Variants in IQCJ observed in about 807,000 individuals in gnomAD.
IQCJ encodes the protein IQ domain-containing protein J.
A neutral mutation model predicts 11.0 loss-of-function variants in IQCJ; 9 were observed. The observed-to-expected ratio is 0.82, with a 90% confidence interval of 0.49 to 1.43. IQCJ has a LOEUF of 1.43. Among genes scored for constraint, IQCJ ranks in the 40% most tolerant of loss-of-function variants. IQCJ has a pLI of 0.00. For synonymous variants in IQCJ, 55 were observed against 51.3 expected, an observed-to-expected ratio of 1.07 and a Z score of -0.31; for missense variants, 146 against 133.2, an observed-to-expected ratio of 1.10 and a Z score of -0.47.
chr3:159,246,638 C>T (rs144822001), intron 2 of IQCJ, among the ~76,000 whole-genome samples: 1 of 152,162 alleles, frequency 6.6e-6, no homozygotes, highest in African/African-American at 2.4e-5. Context: ...CTGGACACCA[C>T]GTTTAAGAAT....
chr3:159,262,248 T>C (rs1194503784), intron 3 of IQCJ, among the ~76,000 whole-genome samples: 1 of 152,252 alleles, frequency 6.6e-6, no homozygotes, highest in Non-Finnish European at 1.5e-5. Context: ...CAAAGTACAT[T>C]TACCTGTGCA....
intron 1 of IQCJ, among the ~76,000 whole-genome samples, chr3:159,169,536 C>T (rs537337617): frequency 1.3e-3 from 199 of 152,060 alleles, no homozygotes; most frequent in African/African-American, 4.5e-3. Context: ...GTAATCCACC[C>T]GCCTCGGCCT....
chr3:159,103,527 A>G lies in IQCJ; in HGVS notation c.9+34086A>G, dbSNP rs528609832. The stretch of plus-strand genomic sequence containing the variant: ...CATTCTGCTCATCTAAAGAGCAAAC[A>G]TGTTTTACAGGACAATTTAGGACAA... On this transcript the variant is annotated intron_variant, in intron 1 of 3. Coordinates refer to ENST00000397832, the MANE Select transcript of IQCJ (RefSeq NM_001042706.3). Among the ~76,000 whole-genome samples the G allele has an allele frequency of 1.7e-4, 26 of 152,350 alleles. No individual in the cohort carries two copies. The South Asian group carries it at 4.8e-3, about 28-fold the overall frequency.
At chr3:159,199,904 G>A (rs1460418011) in intron 1 of IQCJ, among the ~76,000 whole-genome samples, 1 of 151,222 alleles carries the variant, frequency 6.6e-6, no homozygotes, top group African/African-American at 2.4e-5. Context: ...AGCTTTTCTG[G>A]GTTCAAGCTA....
intron 1 of IQCJ, among the ~76,000 whole-genome samples, chr3:159,206,749 TC>T (rs1350121430): frequency 6.6e-6 from 1 of 152,242 alleles, no homozygotes; most frequent in Non-Finnish European, 1.5e-5. Flanking sequence ...TTTGATACAT[TC>T]TTCCTTTTCC....
intron 1 of IQCJ, among the ~76,000 whole-genome samples, chr3:159,169,861 A>T (rs1722397173): frequency 6.6e-6 from 1 of 152,132 alleles, no homozygotes; most frequent in Non-Finnish European, 1.5e-5. Context: ...GGTGGTTTAT[A>T]GGGGTGAAGT....
chr3:159,198,046 T>C (rs987625481), intron 1 of IQCJ, among the ~76,000 whole-genome samples: 1 of 152,178 alleles, frequency 6.6e-6, no homozygotes, highest in Non-Finnish European at 1.5e-5. Flanking sequence ...TCTGGTTGAA[T>C]TATAAATACC....
At chr3:159,191,621 A>G (rs1350537090) in intron 1 of IQCJ, among the ~76,000 whole-genome samples, 1 of 152,200 alleles carries the variant, frequency 6.6e-6, no homozygotes, top group African/African-American at 2.4e-5. Context: ...GGTTAGCCAA[A>G]TAGCCCTCCA....
chr3:159,205,469 A>T (rs952473475), intron 1 of IQCJ, among the ~76,000 whole-genome samples: 2 of 152,182 alleles, frequency 1.3e-5, no homozygotes, highest in Non-Finnish European at 2.9e-5. Flanking sequence ...GGCATGATTG[A>T]TCAATTGTCT....
chr3:159,093,764 C>G (rs2108087726), intron 1 of IQCJ, among the ~76,000 whole-genome samples: 1 of 151,960 alleles, frequency 6.6e-6, no homozygotes, highest in South Asian at 2.1e-4. Context: ...CAAACACATC[C>G]TTCTTCACAT....
chr3:159,159,951 A>C (rs577478134), intron 1 of IQCJ, among the ~76,000 whole-genome samples: 1 of 152,238 alleles, frequency 6.6e-6, no homozygotes, highest in South Asian at 2.1e-4. Context: ...CCTATGCTTC[A>C]TATACAGCCT....
At chr3:159,219,871 G>A (rs770017578) in intron 1 of IQCJ, among the ~76,000 whole-genome samples, 16 of 152,118 alleles carry the variant, frequency 1.1e-4, no homozygotes, top group Admixed American at 2.6e-4. Context: ...CAGTCCCACC[G>A]GACAAGGCCC....
chr3:159,102,000 A>G (rs1192644888), intron 1 of IQCJ, among the ~76,000 whole-genome samples: 1 of 152,210 alleles, frequency 6.6e-6, no homozygotes, highest in Non-Finnish European at 1.5e-5. Context: ...AGAAAAAAGT[A>G]ATCACATCTG....
intron 1 of IQCJ, among the ~76,000 whole-genome samples, chr3:159,154,989 A>G (rs572227021): frequency 9.3e-5 from 14 of 150,832 alleles, no homozygotes; most frequent in Admixed American, 2.0e-4. Context: ...CATCCTCTCC[A>G]TCCTTCGCCA....
chr3:159,102,804 G>A (rs541276902), intron 1 of IQCJ, among the ~76,000 whole-genome samples: 2 of 152,280 alleles, frequency 1.3e-5, no homozygotes, highest in Non-Finnish European at 2.9e-5. Flanking sequence ...TTTTGTATGA[G>A]GAATTAAAAT....
chr3:159,203,968 A>G (rs923706381), intron 1 of IQCJ, among the ~76,000 whole-genome samples: 14 of 152,274 alleles, frequency 9.2e-5, no homozygotes, highest in Non-Finnish European at 1.9e-4. Context: ...TAACAGGGTC[A>G]GTTCTCTGTA....
At position 159,200,104 on chromosome 3, in the gene IQCJ, A is replaced by AATATATAT. The variant is rs539820364; in HGVS notation, c.10-45730_10-45723dup. ...ATATGTATGTATGTGTTTATACATA[A>AATATATAT]ATATATATATATATATCACTTTGAA... On this transcript the variant is annotated intron_variant, in intron 1 of 3. Coordinates refer to ENST00000397832, the MANE Select transcript of IQCJ (RefSeq NM_001042706.3). 1.0e-4 allele frequency among the ~76,000 whole-genome samples: 12 copies of AATATATAT among 116,948 alleles called. 1 individual carries two copies. The highest frequency in any genetic ancestry group is 2.9e-4 in the East Asian group (1 of 3,492). The allele number at this position is 116,948 out of a possible 152,430, so 76.7% of individuals were successfully genotyped here.
At chr3:159,259,235 A>G (rs1359653335) in intron 3 of IQCJ, among the ~76,000 whole-genome samples, 2 of 152,210 alleles carry the variant, frequency 1.3e-5, no homozygotes, top group Non-Finnish European at 2.9e-5. Flanking sequence ...CACCCCTGCT[A>G]TAAGAGAAGA....
chr3:159,251,273 T>C (rs1349464886), intron 2 of IQCJ, among the ~76,000 whole-genome samples: 1 of 152,112 alleles, frequency 6.6e-6, no homozygotes, highest in Non-Finnish European at 1.5e-5. Flanking sequence ...TTTCTTTTTT[T>C]CCCTTTTCTT....
Sources: gnomAD v4.1 joint callset for allele counts (sites outside exome capture counted in the v4.1 genomes callset) on GRCh38, gnomAD v4.1.1 for gene constraint, MANE v1.5 for transcripts, NCBI Gene and HGNC (gene_info 2026-07-23, HGNC 2026-07-21) for gene names.